The following CCDC158 variants were observed in gnomAD, a reference collection of about 807,000 sequenced individuals.
CCDC158 encodes the protein coiled-coil domain-containing protein 158.
A neutral mutation model predicts 138.6 loss-of-function variants in CCDC158; 116 were observed. The observed-to-expected ratio is 0.84, with a 90% CI of 0.72 to 0.98. The LOEUF (loss-of-function observed/expected upper bound fraction) is 0.98. Ranked by LOEUF, CCDC158 falls within the 50% of genes least tolerant of loss-of-function variation. The probability of loss-of-function intolerance (pLI) is 0.00; values close to 1 mark genes in which losing one functional copy is unlikely to be tolerated. For synonymous variants in CCDC158, 436 were observed against 442.4 expected (o/e 0.99, Z 0.18); for missense variants, 1,265 against 1,306.1 (o/e 0.97, Z 0.48).
intron 22 of CCDC158, among the ~76,000 whole-genome samples, chr4:76,327,916 C>T (rs779971907): frequency 7.2e-5 from 11 of 152,060 alleles, no homozygotes; most frequent in Non-Finnish European, 1.5e-5. Context: ...GTTGGTTTGC[C>T]TTTGCCTTCC....
intron 2 of CCDC158, among the ~76,000 whole-genome samples, chr4:76,405,027 C>T (rs753830635): frequency 7.0e-6 from 1 of 141,930 alleles, no homozygotes; most frequent in African/African-American, 2.6e-5. Flanking sequence ...AATAAAGACC[C>T]GAATCTACAC....
At chr4:76,387,071 A>T (rs537703583) in intron 4 of CCDC158, among the ~76,000 whole-genome samples, 2 of 152,160 alleles carry the variant, frequency 1.3e-5, no homozygotes, top group Non-Finnish European at 2.9e-5. Context: ...GTGGCATGTG[A>T]CCTAAGGAGA....
rs372948582 is a variant in CCDC158, at chr4:76,353,232, C to T, written c.2336G>A (p.Ser779Asn). ...EEKSKLSQEL[S>N]TVATEKNKMA... ...CTTGTTTTTTTCTGTGGCAACAGTA[C>T]TCAATTCCTGACTGAGTTTACTTTT... is the stretch of plus-strand genomic sequence containing the variant. The change falls in exon 16 of 25, where the codon AGT (serine) becomes AAT (asparagine). Residue 779 changes from serine (S) to asparagine (N), a missense_variant. Ser to Asn is a conservative substitution (Grantham distance 46, BLOSUM62 1). Transcript: ENST00000682701. The T allele has an allele frequency of 6.2e-7, 1 of 1,613,188 alleles. No homozygotes were observed. Among genetic ancestry groups the T allele is most frequent in the South Asian group, 1.1e-5 (1 of 90,870 alleles).
At chr4:76,376,906 T>G (rs941515787) in intron 9 of CCDC158, among the ~76,000 whole-genome samples, 2 of 152,230 alleles carry the variant, frequency 1.3e-5, no homozygotes, top group Non-Finnish European at 2.9e-5. Context: ...TATTTAAGAC[T>G]GTCAAAATTC....
intron 4 of CCDC158, among the ~76,000 whole-genome samples, chr4:76,391,813 T>A (rs1048727281): frequency 6.6e-6 from 1 of 150,944 alleles, no homozygotes; most frequent in Non-Finnish European, 1.5e-5. Context: ...ATAAATAAAA[T>A]CAGAGACAAA....
At position 76,331,729 on chromosome 4, in the gene CCDC158, G is replaced by A. The variant is rs540237726; in HGVS notation, c.2883-326C>T. On this transcript the variant is annotated intron_variant, in intron 20 of 24. Transcript: ENST00000682701. Reference sequence around the variant, plus strand: ...TCTGGTTTGATTAGAGGATAATACAGGAGTGAAAGCAGAGTGGTCACAAGA... The same window carrying A: ...TCTGGTTTGATTAGAGGATAATACAAGAGTGAAAGCAGAGTGGTCACAAGA... Among the ~76,000 whole-genome samples the A allele has an allele frequency of 3.3e-5, 5 of 152,220 alleles. No homozygotes were observed. The East Asian group carries it at 5.8e-4, about 18-fold the overall frequency.
At chr4:76,367,228 C>T in intron 12 of CCDC158, 66 bp downstream of exon 12, 1 of 1,526,048 alleles carries the variant, frequency 6.6e-7, no homozygotes, top group Non-Finnish European at 8.8e-7. Context: ...AACCACTTTT[C>T]AGTACAGGTC....
chr4:76,384,869 C>T (rs1726642964), intron 4 of CCDC158, among the ~76,000 whole-genome samples: 1 of 152,146 alleles, frequency 6.6e-6, no homozygotes, highest in Non-Finnish European at 1.5e-5. Flanking sequence ...AAGCTTGACC[C>T]CTTTTAATCC....
At chr4:76,333,926 C>G in intron 19 of CCDC158, 84 bp downstream of exon 19, 1 of 968,714 alleles carries the variant, frequency 1.0e-6, no homozygotes, top group Middle Eastern at 2.3e-4. Flanking sequence ...TAAACCTCAC[C>G]CTCCCAGAGA....
In CCDC158 at chr4:76,325,939, T is replaced by C. The variant is rs780247919; in HGVS notation, c.3087A>G (p.Leu1029=). ...SPKKSPVHSL[L]TSSVEGSIGS... ...CTATTGAACCTTCAACTGAACTAGT[T>C]AGGAGTGAGTGCACTGGAGACTTCT... The change falls in exon 23 of 25, where the codon CTA becomes CTG. Residue 1029 remains leucine (L), a synonymous_variant. Coordinates refer to ENST00000682701, the MANE Select transcript of CCDC158 (RefSeq NM_001394954.1). The C allele has an allele frequency of 4.3e-6, 7 of 1,613,492 alleles. No individual in the cohort carries two copies. The East Asian group carries it at 1.6e-4, about 36-fold the overall frequency.
At chr4:76,364,542 CTA>C (rs1417082554) in intron 12 of CCDC158, among the ~76,000 whole-genome samples, 2 of 152,112 alleles carry the variant, frequency 1.3e-5, no homozygotes, top group Non-Finnish European at 2.9e-5. Flanking sequence ...ATTAAAAACA[CTA>C]TATTTTGAAT....
intron 6 of CCDC158, 140 bp from the exon 7 acceptor site, chr4:76,383,878 T>C: frequency 1.4e-6 from 1 of 710,754 alleles, no homozygotes; most frequent in Non-Finnish European, 2.4e-6. Context: ...CCATATTTTA[T>C]TAGATCTTTT....
chr4:76,329,086 G>A (rs754558253), intron 21 of CCDC158, 119 bp from the exon 22 acceptor site: 1 of 767,186 alleles, frequency 1.3e-6, no homozygotes, highest in Non-Finnish European at 2.2e-6. Context: ...CCTCAAGATG[G>A]CAATCATAAC....
At chr4:76,359,837 T>C (rs560882227) in intron 13 of CCDC158, among the ~76,000 whole-genome samples, 1 of 152,272 alleles carries the variant, frequency 6.6e-6, no homozygotes, top group South Asian at 2.1e-4. Context: ...AAAAGAAAAA[T>C]CCATTTTCTA....
chr4:76,371,156 A>G (rs1051384208), intron 10 of CCDC158, among the ~76,000 whole-genome samples: 32 of 152,224 alleles, frequency 2.1e-4, no homozygotes, highest in African/African-American at 7.7e-4. Flanking sequence ...TTAATGGAAT[A>G]TGGTATCTAC....
At chr4:76,409,690 G>T (rs1729134005) in intron 2 of CCDC158, among the ~76,000 whole-genome samples, 1 of 152,132 alleles carries the variant, frequency 6.6e-6, no homozygotes. Flanking sequence ...AATTAGCCAG[G>T]TGTGGTGGCG....
chr4:76,317,850 A>G (rs1430024467), intron 24 of CCDC158, among the ~76,000 whole-genome samples: 1 of 152,172 alleles, frequency 6.6e-6, no homozygotes, highest in Non-Finnish European at 1.5e-5. Context: ...TTAACTCCAA[A>G]AGGAACCCTC....
At position 76,353,107 on chromosome 4, in the gene CCDC158, T is replaced by C. The variant is rs1487050731; in HGVS notation, c.2445+16A>G. The C allele has an allele frequency of 1.3e-6, 2 of 1,590,844 alleles. No individual in the cohort carries two copies. The highest frequency in any genetic ancestry group is 2.7e-5 in the African/African-American group (2 of 73,872). On this transcript the variant is annotated intron_variant, in intron 16 of 24. Transcript: ENST00000682701. ...ATTTAGTTGATAATTACTTCATATG[T>C]TTAGTTAATAATTACCTTATCCAGA...
chr4:76,419,705 T>G (rs1393093227), intron 1 of CCDC158, among the ~76,000 whole-genome samples: 2 of 151,950 alleles, frequency 1.3e-5, no homozygotes, highest in African/African-American at 4.8e-5. Flanking sequence ...CGTTTGCATT[T>G]AGGACCCACC....
Sources: allele counts gnomAD v4.1 joint callset (sites outside exome capture counted in the v4.1 genomes callset), GRCh38; gene constraint gnomAD v4.1.1; transcripts MANE v1.5; gene names NCBI Gene and HGNC (gene_info 2026-07-23, HGNC 2026-07-21).